The following PAQR3 variants were observed in gnomAD, a reference collection of about 807,000 sequenced individuals.
PAQR3 encodes progestin and adipoQ receptor family member 3, also known as Raf kinase trapping to Golgi.
A neutral mutation model predicts 41.7 loss-of-function variants in PAQR3; 39 were observed. That is an observed-to-expected ratio of 0.93 (90% confidence interval 0.72 to 1.22). The LOEUF is 1.22. Among genes scored for constraint, PAQR3 ranks in the 50% most tolerant of loss-of-function variants. The probability of loss-of-function intolerance (pLI) is 0.00; values close to 1 mark genes in which losing one functional copy is unlikely to be tolerated. For synonymous variants in PAQR3, 140 were observed against 140.6 expected (o/e 1.00, Z 0.03); for missense variants, 366 against 385.6 (o/e 0.95, Z 0.42).
At chr4:78,922,761 G>C (rs762149088) in intron 5 of PAQR3, 1 of 370,590 alleles carries the variant, frequency 2.7e-6, no homozygotes, top group Non-Finnish European at 5.3e-6. Context: ...CCTAACCCTG[G>C]GGGGAAAAAA....
rs750534150 is a variant in PAQR3 at position 78,939,037 on chromosome 4, T to C, written c.185+3A>G. On this transcript the variant is annotated splice_donor_region_variant and intron_variant, in intron 1 of 5. Coordinates refer to ENST00000512733, the MANE Select transcript of PAQR3 (RefSeq NM_001040202.2). ...ACTCCAGGCGGAGGCAGCCAGACCG[T>C]ACCTTTTGATACACAGCCTGGACGG... The C allele has an allele frequency of 1.3e-6, 2 of 1,595,734 alleles. No individual in the cohort carries two copies. Among genetic ancestry groups the C allele is most frequent in the Non-Finnish European group, 8.6e-7 (1 of 1,167,064 alleles).
At chr4:78,910,684 A>G, downstream of PAQR3, 1 of 1,608,830 alleles carries the variant, frequency 6.2e-7, no homozygotes, top group Non-Finnish European at 8.5e-7. Context: ...CAAGAACGGT[A>G]AAACAAGTCC....
rs180732426 is a variant in PAQR3, at chr4:78,913,557, C to A, written c.*6982G>T. Reference sequence around the variant, plus strand: ...AGGAGTAGAAACTCATCAACTGGCACTCTCTTTGATTTTTATATTTTAAAT... The same window carrying A: ...AGGAGTAGAAACTCATCAACTGGCAATCTCTTTGATTTTTATATTTTAAAT... On this transcript the variant is annotated 3_prime_UTR_variant, in exon 6 of 6. Coordinates refer to ENST00000512733, the MANE Select transcript of PAQR3 (RefSeq NM_001040202.2). 3 of 152,108 alleles carry A rather than the reference C, an allele frequency of 2.0e-5. No individual in the cohort carries two copies. The highest frequency in any genetic ancestry group is 1.3e-4 in the Admixed American group (2 of 15,262). The allele number at this position is 152,108 out of a possible 1,614,324, so 9.4% of individuals were successfully genotyped here. A position where few individuals can be genotyped will look rare whatever the true frequency, so the allele number is the denominator to read the frequency against.
At position 78,935,225 on chromosome 4, in the gene PAQR3, G is replaced by GA. The variant is rs781593525; in HGVS notation, c.243dup (p.Leu82SerfsTer9). 1.9e-6 allele frequency: 3 copies of GA among 1,613,668 alleles called. No individual in the cohort carries two copies. The highest frequency in any genetic ancestry group is 1.7e-5 in the Admixed American group (1 of 59,998). ...TCATATATTCCCAGGGTGAAGAAGAGAAAGAAACCCAGCAAATGACTCCAG... is the reference window on the plus strand; with the variant it reads ...TCATATATTCCCAGGGTGAAGAAGAGAAAAGAAACCCAGCAAATGACTCCAG... On this transcript the variant is annotated frameshift_variant, in exon 2 of 6. Coordinates refer to ENST00000512733, the MANE Select transcript of PAQR3 (RefSeq NM_001040202.2). LOFTEE classifies it high-confidence loss of function.
intron 11 of PAQR3, among the ~76,000 whole-genome samples, chr4:78,904,506 A>AT (rs1398713399): frequency 2.0e-5 from 3 of 151,926 alleles, no homozygotes; most frequent in Admixed American, 2.0e-4. Context: ...ACACAAGATA[A>AT]TTTAAAACTT....
intron 3 of PAQR3, among the ~76,000 whole-genome samples, chr4:78,927,466 G>A (rs1368614032): frequency 2.0e-5 from 3 of 152,248 alleles, no homozygotes; most frequent in East Asian, 1.9e-4. Flanking sequence ...CAAAGAGAGA[G>A]TGGGGGCTTG....
At chr4:78,911,584 C>T (rs764908321), downstream of PAQR3, 19 of 1,613,916 alleles carry the variant, frequency 1.2e-5, no homozygotes, top group Non-Finnish European at 8.5e-7. Context: ...GCCTACCTAT[C>T]GCACTCCAGA....
Position 78,920,594 on chromosome 4 carries a change from T to TA in PAQR3, c.880dup (p.Tyr294LeufsTer8). Reference sequence around the variant, plus strand: ...CTTGCTATGTCTGTACTGCATGACATACACTGTTGACTGATGCCACCAATA... The same window carrying TA: ...CTTGCTATGTCTGTACTGCATGACATAACACTGTTGACTGATGCCACCAATA... On this transcript the variant is annotated frameshift_variant, in exon 6 of 6. Coordinates refer to ENST00000512733, the MANE Select transcript of PAQR3 (RefSeq NM_001040202.2). LOFTEE classifies it high-confidence loss of function. The TA allele has an allele frequency of 6.2e-7, 1 of 1,611,986 alleles. No individual in the cohort carries two copies. Among genetic ancestry groups the TA allele is most frequent in the Non-Finnish European group, 8.5e-7 (1 of 1,178,628 alleles).
chr4:78,907,644 G>A (rs1349344774), downstream of PAQR3, among the ~76,000 whole-genome samples: 7 of 152,192 alleles, frequency 4.6e-5, no homozygotes, highest in Non-Finnish European at 8.8e-5. Flanking sequence ...CATAAAATTA[G>A]ATTCTTTTGT....
intron 11 of PAQR3, among the ~76,000 whole-genome samples, chr4:78,897,152 G>T (rs1006767989): frequency 1.3e-5 from 2 of 151,752 alleles, no homozygotes; most frequent in African/African-American, 2.4e-5. Context: ...GGCATAAATT[G>T]GTAAAACTTT....
chr4:78,912,052 C>A lies in PAQR3; in HGVS notation c.*8487G>T. 1 of 1,561,404 alleles carries A rather than the reference C, an allele frequency of 6.4e-7. No homozygotes were observed. The highest frequency in any genetic ancestry group is 1.2e-5 in the South Asian group (1 of 83,392). Reference sequence around the variant, plus strand: ...ACAGTAGATACTTCTGATGGATTCTCGGCATTAACTCCTGTTTCAAAAAAG... The same window carrying A: ...ACAGTAGATACTTCTGATGGATTCTAGGCATTAACTCCTGTTTCAAAAAAG... On this transcript the variant is annotated 3_prime_UTR_variant, in exon 6 of 6. Transcript: ENST00000512733.
Position 78,913,003 on chromosome 4 carries a change from A to T in PAQR3, c.*7536T>A, listed in dbSNP as rs1022358672. The T allele has an allele frequency of 4.6e-5, 7 of 152,222 alleles. No homozygotes were observed. The highest frequency in any genetic ancestry group is 9.6e-5 in the African/African-American group (4 of 41,468). The allele number at this position is 152,222 out of a possible 1,614,324, so 9.4% of individuals were successfully genotyped here. A position where few individuals can be genotyped will look rare whatever the true frequency, so the allele number is the denominator to read the frequency against. ...GTTGTATAAAAATTTTATTTTATGA[A>T]GAAAATATGTAGCGGAAACTGAATT... On this transcript the variant is annotated 3_prime_UTR_variant, in exon 6 of 6. Transcript: ENST00000512733.
At chr4:78,931,241 C>T (rs573929132) in intron 2 of PAQR3, among the ~76,000 whole-genome samples, 2 of 150,176 alleles carry the variant, frequency 1.3e-5, no homozygotes, top group African/African-American at 2.4e-5. Flanking sequence ...ACCTGTGGTC[C>T]CAGCTACTTG....
At chr4:78,907,449 G>A (rs1734342791), downstream of PAQR3, among the ~76,000 whole-genome samples, 1 of 152,122 alleles carries the variant, frequency 6.6e-6, no homozygotes, top group Non-Finnish European at 1.5e-5. Context: ...TCTCCAAGAT[G>A]AATTATCTGT....
At chr4:78,895,295 A>C (rs1733644415) in intron 11 of PAQR3, among the ~76,000 whole-genome samples, 1 of 152,212 alleles carries the variant, frequency 6.6e-6, no homozygotes, top group African/African-American at 2.4e-5. Flanking sequence ...CCTGTATTTA[A>C]TTTTACACTG....
intron 11 of PAQR3, among the ~76,000 whole-genome samples, chr4:78,891,056 C>G (rs1030486936): frequency 6.6e-6 from 1 of 152,060 alleles, no homozygotes; most frequent in Admixed American, 6.6e-5. Context: ...ACAAAATAAA[C>G]TTTGCTGCCT....
At chr4:78,906,183 T>C (rs1416746923) in intron 10 of PAQR3, 2 of 152,100 alleles carry the variant, frequency 1.3e-5, no homozygotes, top group African/African-American at 2.4e-5. Context: ...AAAGGATTAA[T>C]AGTTTGTCTT....
intron 2 of PAQR3, among the ~76,000 whole-genome samples, chr4:78,932,373 T>C (rs1470032355): frequency 6.6e-6 from 1 of 152,150 alleles, no homozygotes; most frequent in Non-Finnish European, 1.5e-5. Flanking sequence ...CATAAAAGTG[T>C]ATATTTCTCA....
intron 2 of PAQR3, 71 bp from the exon 3 acceptor site, chr4:78,930,396 A>G (rs1011680656): frequency 8.8e-6 from 13 of 1,471,470 alleles, no homozygotes; most frequent in Non-Finnish European, 1.2e-5. Flanking sequence ...ATATTCAGGG[A>G]AGTAGTTAAG....
Sources: gnomAD v4.1 joint callset for allele counts (sites outside exome capture counted in the v4.1 genomes callset) on GRCh38, gnomAD v4.1.1 for gene constraint, MANE v1.5 for transcripts, NCBI Gene and HGNC (gene_info 2026-07-23, HGNC 2026-07-21) for gene names.